Variants in KCNH7 observed in about 807,000 individuals in gnomAD.
KCNH7 encodes voltage-gated inwardly rectifying potassium channel KCNH7.
A neutral mutation model predicts 120.8 loss-of-function variants in KCNH7; 49 were observed. That is an observed-to-expected ratio of 0.41 (90% CI 0.32 to 0.51). The LOEUF (loss-of-function observed/expected upper bound fraction) is 0.51, where lower values mean the gene tolerates loss of function less well. KCNH7 is among the 20% of genes least tolerant of loss of function. The pLI is 0.38. For synonymous variants in KCNH7, 547 were observed against 516.1 expected, an observed-to-expected ratio of 1.06 and a Z score of -0.81; for missense variants, 1,097 against 1,446.6, an observed-to-expected ratio of 0.76 and a Z score of 3.92.
At chr2:162,763,748 T>C (rs947936686) in intron 2 of KCNH7, among the ~76,000 whole-genome samples, 1 of 151,120 alleles carries the variant, frequency 6.6e-6, no homozygotes, top group Non-Finnish European at 1.5e-5. Context: ...TGTGTGTGTG[T>C]GTGTGTGTGT....
chr2:162,504,710 G>C, intron 5 of KCNH7, 53 bp from the exon 6 acceptor site: 1 of 1,190,990 alleles, frequency 8.4e-7, no homozygotes, highest in Non-Finnish European at 1.2e-6. Flanking sequence ...ATAGAAGAAA[G>C]AGACAGTTCT....
chr2:162,724,165 T>C (rs1687430461), intron 2 of KCNH7, among the ~76,000 whole-genome samples: 1 of 152,188 alleles, frequency 6.6e-6, no homozygotes, highest in African/African-American at 2.4e-5. Context: ...TGTGTGTGTT[T>C]GTGTGTGCGC....
At chr2:162,639,320 A>G (rs1340014310) in intron 2 of KCNH7, among the ~76,000 whole-genome samples, 2 of 152,150 alleles carry the variant, frequency 1.3e-5, no homozygotes, top group African/African-American at 4.8e-5. Flanking sequence ...AGGCACTTTT[A>G]TTATCAATTC....
intron 2 of KCNH7, among the ~76,000 whole-genome samples, chr2:162,754,177 A>G (rs1688707684): frequency 6.6e-6 from 1 of 152,108 alleles, no homozygotes; most frequent in Non-Finnish European, 1.5e-5. Context: ...CATAATAACA[A>G]AGGGTGAATT....
chr2:162,808,600 C>T (rs1684630012), intron 2 of KCNH7, among the ~76,000 whole-genome samples: 1 of 152,088 alleles, frequency 6.6e-6, no homozygotes, highest in Admixed American at 6.5e-5. Context: ...TGAAATTCAA[C>T]AATGGAGTAC....
intron 2 of KCNH7, among the ~76,000 whole-genome samples, chr2:162,783,154 A>G (rs546543743): frequency 3.9e-5 from 6 of 152,288 alleles, no homozygotes; most frequent in African/African-American, 1.4e-4. Context: ...AGACATCTCT[A>G]CAAGCTTTCC....
chr2:162,503,847 G>A (rs1279747465), intron 6 of KCNH7, among the ~76,000 whole-genome samples: 2 of 152,028 alleles, frequency 1.3e-5, no homozygotes, highest in African/African-American at 2.4e-5. Context: ...ATAATAAGTA[G>A]AAATCATTTT....
At chr2:162,471,501 C>T (rs1210340471) in intron 6 of KCNH7, among the ~76,000 whole-genome samples, 1 of 152,064 alleles carries the variant, frequency 6.6e-6, no homozygotes, top group Non-Finnish European at 1.5e-5. Flanking sequence ...CTGTGTGGAG[C>T]AGATTCTGTG....
In KCNH7 at chr2:162,731,823, A is replaced by G. The variant is rs141906992; in HGVS notation, c.307+104714T>C. Among the ~76,000 whole-genome samples, 242 of 152,292 alleles carry G rather than the reference A, an allele frequency of 1.6e-3. 2 individuals carry two copies. Among genetic ancestry groups the G allele is most frequent in the Non-Finnish European group, 3.2e-3 (217 of 68,018 alleles). On this transcript the variant is annotated intron_variant, in intron 2 of 15. Coordinates refer to ENST00000332142, the MANE Select transcript of KCNH7 (RefSeq NM_033272.4). ...CTGAAATAATTGCAGCAAAAGTTAA[A>G]TTTAGTAAAGCTGGATGGTAGGTAT...
chr2:162,479,979 T>A (rs1234151782), intron 6 of KCNH7, among the ~76,000 whole-genome samples: 1 of 152,182 alleles, frequency 6.6e-6, no homozygotes, highest in Non-Finnish European at 1.5e-5. Context: ...CAAATGTAAC[T>A]TGATATTCCA....
intron 2 of KCNH7, among the ~76,000 whole-genome samples, chr2:162,827,258 G>T (rs1260685947): frequency 6.6e-6 from 1 of 152,018 alleles, no homozygotes; most frequent in Non-Finnish European, 1.5e-5. Flanking sequence ...AAACTTTCTT[G>T]TGGGAAGGAG....
At chr2:162,710,498 TAC>T (rs1686889678) in intron 2 of KCNH7, among the ~76,000 whole-genome samples, 1 of 152,190 alleles carries the variant, frequency 6.6e-6, no homozygotes, top group Non-Finnish European at 1.5e-5. Context: ...AACCTGTGTT[TAC>T]ACACACACTC....
chr2:162,761,388 A>G (rs1174902797), intron 2 of KCNH7, among the ~76,000 whole-genome samples: 1 of 152,100 alleles, frequency 6.6e-6, no homozygotes, highest in African/African-American at 2.4e-5. Flanking sequence ...ACCCGAACAT[A>G]TGATGAGATT....
At chr2:162,430,682 T>C (rs1157707709) in intron 8 of KCNH7, among the ~76,000 whole-genome samples, 3 of 151,958 alleles carry the variant, frequency 2.0e-5, no homozygotes, top group Non-Finnish European at 2.9e-5. Context: ...TTTCTGTATG[T>C]TTTTAATAGA....
At chr2:162,671,758 T>A (rs1160791396) in intron 2 of KCNH7, among the ~76,000 whole-genome samples, 2 of 151,672 alleles carry the variant, frequency 1.3e-5, no homozygotes. Context: ...GAAATAAATA[T>A]GCTCTAATAA....
intron 2 of KCNH7, among the ~76,000 whole-genome samples, chr2:162,722,078 G>A (rs1449579666): frequency 6.6e-6 from 1 of 151,956 alleles, no homozygotes; most frequent in Non-Finnish European, 1.5e-5. Flanking sequence ...CGTATTACTA[G>A]TGTAATAGTC....
At chr2:162,691,976 C>T (rs897509339) in intron 2 of KCNH7, among the ~76,000 whole-genome samples, 1 of 152,112 alleles carries the variant, frequency 6.6e-6, no homozygotes, top group Non-Finnish European at 1.5e-5. Flanking sequence ...ACATTTTTCT[C>T]CTGTGATTTC....
intron 4 of KCNH7, among the ~76,000 whole-genome samples, chr2:162,515,838 C>T (rs1410255711): frequency 6.6e-6 from 1 of 151,382 alleles, no homozygotes; most frequent in Non-Finnish European, 1.5e-5. Flanking sequence ...GTGCTAATTG[C>T]TCTTGTATCT....
intron 6 of KCNH7, among the ~76,000 whole-genome samples, chr2:162,463,663 T>C (rs1689221668): frequency 6.6e-6 from 1 of 151,990 alleles, no homozygotes; most frequent in African/African-American, 2.4e-5. Context: ...GAAAAATTAA[T>C]TTTTGTTGTT....
Sources: gnomAD v4.1 joint callset for allele counts (sites outside exome capture counted in the v4.1 genomes callset) on GRCh38, gnomAD v4.1.1 for gene constraint, MANE v1.5 for transcripts, NCBI Gene and HGNC (gene_info 2026-07-23, HGNC 2026-07-21) for gene names.